The following LRRC4C variants were observed in gnomAD, a reference collection of about 807,000 sequenced individuals.
LRRC4C encodes leucine rich repeat containing 4C.
LRRC4C carries 5 observed loss-of-function variants against 33.6 expected under a neutral mutation model. The ratio of observed to expected loss-of-function variants is 0.15; its 90% CI spans 0.08 to 0.31. LRRC4C has a LOEUF of 0.31. Among genes scored for constraint, LRRC4C ranks in the 10% least tolerant of loss-of-function variants. The pLI is 1.00. For synonymous variants in LRRC4C, 329 were observed against 302.0 expected (o/e 1.09, Z -0.93); for missense variants, 560 against 796.7 (o/e 0.70, Z 3.58).
chr11:41,261,411 G>A (rs938669643), intron 1 of LRRC4C, among the ~76,000 whole-genome samples: 11 of 151,926 alleles, frequency 7.2e-5, no homozygotes, highest in Admixed American at 2.0e-4. Context: ...CTCTGAACTG[G>A]GTGACATTAG....
chr11:41,053,019 G>C (rs181331611), intron 1 of LRRC4C, among the ~76,000 whole-genome samples: 1 of 152,200 alleles, frequency 6.6e-6, no homozygotes, highest in African/African-American at 2.4e-5. Context: ...CAAGTAGCAT[G>C]TTTCTGGGCA....
chr11:40,985,079 A>G (rs1363754158), intron 1 of LRRC4C, among the ~76,000 whole-genome samples: 1 of 151,514 alleles, frequency 6.6e-6, no homozygotes, highest in Non-Finnish European at 1.5e-5. Context: ...TGAAGGAGAG[A>G]AGAGCAAGAC....
intron 1 of LRRC4C, among the ~76,000 whole-genome samples, chr11:41,432,774 G>A (rs1329347010): frequency 6.6e-6 from 1 of 152,010 alleles, no homozygotes; most frequent in Non-Finnish European, 1.5e-5. Flanking sequence ...AAATCCTGGT[G>A]TAATGAGACC....
intron 1 of LRRC4C, among the ~76,000 whole-genome samples, chr11:41,344,598 A>G (rs1254926702): frequency 6.6e-6 from 1 of 152,166 alleles, no homozygotes; most frequent in Non-Finnish European, 1.5e-5. Context: ...TTTTGACTAA[A>G]ACAAAACAAA....
rs139136576 is a variant in LRRC4C at position 40,837,676 on chromosome 11, C to CA, written c.-407+95958dup. 4.8e-4 allele frequency among the ~76,000 whole-genome samples: 52 copies of CA among 108,468 alleles called. No homozygotes were observed. The South Asian group carries it at 5.6e-3, about 12-fold the overall frequency. 71.2% of individuals were successfully genotyped at this position (108,468 alleles called of 152,430 possible). A position where few individuals can be genotyped will look rare whatever the true frequency, so the allele number is the denominator to read the frequency against. ...GAAACATATGGAGACCCTGTCTCTTCAAAAAAAAAAAAAAAAAAAAATTAA... is the reference window on the plus strand; with the variant it reads ...GAAACATATGGAGACCCTGTCTCTTCAAAAAAAAAAAAAAAAAAAAAATTAA... On this transcript the variant is annotated intron_variant, in intron 2 of 6. Transcript: ENST00000528697.
At chr11:41,292,413 A>T (rs2137015992) in intron 1 of LRRC4C, among the ~76,000 whole-genome samples, 1 of 152,208 alleles carries the variant, frequency 6.6e-6, no homozygotes, top group African/African-American at 2.4e-5. Context: ...CGTAAAAAAA[A>T]ATGTATATAT....
chr11:40,608,256 A>G (rs1394439354), intron 3 of LRRC4C, among the ~76,000 whole-genome samples: 1 of 152,086 alleles, frequency 6.6e-6, no homozygotes, highest in African/African-American at 2.4e-5. Context: ...TTGTGGGGGG[A>G]AAGTAAAAGT....
rs188037109 is a variant in LRRC4C at position 41,185,687 on chromosome 11, A to G, written c.-495-251964T>C. 9.1e-4 allele frequency among the ~76,000 whole-genome samples: 138 copies of G among 152,296 alleles called. 1 individual carries two copies. The highest frequency in any genetic ancestry group is 3.0e-3 in the African/African-American group (125 of 41,574). On this transcript the variant is annotated intron_variant, in intron 1 of 6. Coordinates refer to ENST00000528697, the MANE Select transcript of LRRC4C (RefSeq NM_001258419.2). ...AGAGAGACCTACTTACAAAACTTGTATTTGCTATCCTTATATCCTTATATT... is the reference window on the plus strand; with the variant it reads ...AGAGAGACCTACTTACAAAACTTGTGTTTGCTATCCTTATATCCTTATATT...
At chr11:40,556,959 A>T (rs146596531) in intron 3 of LRRC4C, among the ~76,000 whole-genome samples, 1 of 152,268 alleles carries the variant, frequency 6.6e-6, no homozygotes, top group East Asian at 1.9e-4. Flanking sequence ...TAATTTAGGC[A>T]TCATACTCAT....
intron 1 of LRRC4C, among the ~76,000 whole-genome samples, chr11:41,343,769 A>T (rs1951713618): frequency 6.6e-6 from 1 of 152,210 alleles, no homozygotes; most frequent in Non-Finnish European, 1.5e-5. Context: ...TGTTTTTATG[A>T]TATGGAATGT....
intron 1 of LRRC4C, among the ~76,000 whole-genome samples, chr11:41,047,008 A>G (rs1463886655): frequency 6.6e-6 from 1 of 152,170 alleles, no homozygotes; most frequent in Non-Finnish European, 1.5e-5. Context: ...GAAAAAATAA[A>G]TTAATTAGGC....
chr11:40,746,462 A>G (rs1948426565), intron 2 of LRRC4C, among the ~76,000 whole-genome samples: 1 of 152,194 alleles, frequency 6.6e-6, no homozygotes, highest in African/African-American at 2.4e-5. Flanking sequence ...TAGTGCCACT[A>G]GGGCAGAGGT....
At chr11:40,680,324 T>G (rs927761081) in intron 2 of LRRC4C, among the ~76,000 whole-genome samples, 6 of 152,194 alleles carry the variant, frequency 3.9e-5, no homozygotes, top group African/African-American at 1.4e-4. Flanking sequence ...GTGGACTGTT[T>G]AGTTAATCCT....
At chr11:41,005,435 C>A (rs972730490) in intron 1 of LRRC4C, among the ~76,000 whole-genome samples, 3 of 152,074 alleles carry the variant, frequency 2.0e-5, no homozygotes, top group African/African-American at 4.8e-5. Context: ...GACACCCAGT[C>A]TCTACTAAAA....
intron 2 of LRRC4C, among the ~76,000 whole-genome samples, chr11:40,676,278 C>T (rs116448002): frequency 6.6e-6 from 1 of 152,218 alleles, no homozygotes; most frequent in East Asian, 1.9e-4. Flanking sequence ...TTTCTTCATG[C>T]CTTTCTGGGT....
intron 1 of LRRC4C, among the ~76,000 whole-genome samples, chr11:41,134,104 T>C (rs1943146983): frequency 6.6e-6 from 1 of 152,104 alleles, no homozygotes; most frequent in Non-Finnish European, 1.5e-5. Context: ...TATTTACTTA[T>C]TTACTTATTT....
At chr11:40,153,284 G>C (rs1306500942) in intron 5 of LRRC4C, among the ~76,000 whole-genome samples, 1 of 152,154 alleles carries the variant, frequency 6.6e-6, no homozygotes, top group African/African-American at 2.4e-5. Flanking sequence ...AAAAGAATCT[G>C]AACAACAGCC....
intron 3 of LRRC4C, among the ~76,000 whole-genome samples, chr11:40,339,439 G>C (rs1057292336): frequency 1.6e-4 from 24 of 152,146 alleles, no homozygotes; most frequent in African/African-American, 5.5e-4. Context: ...AACTTCACAG[G>C]GGTGTTGTAT....
chr11:40,244,233 C>T (rs1866153078), intron 4 of LRRC4C, among the ~76,000 whole-genome samples: 2 of 152,068 alleles, frequency 1.3e-5, no homozygotes, highest in South Asian at 4.1e-4. Context: ...AAATTTGGCA[C>T]TTTGACATGC....
Sources: allele counts gnomAD v4.1 joint callset (sites outside exome capture counted in the v4.1 genomes callset), GRCh38; gene constraint gnomAD v4.1.1; transcripts MANE v1.5; gene names NCBI Gene and HGNC (gene_info 2026-07-23, HGNC 2026-07-21).